CACNA1C: variants seen among roughly 807,000 people sequenced by gnomAD.
CACNA1C encodes the protein calcium voltage-gated channel subunit alpha1 C, also known as voltage-dependent L-type calcium channel subunit alpha-1C.
Under a neutral mutation model 229.0 loss-of-function variants are expected in CACNA1C, and 30 were observed. The ratio of observed to expected loss-of-function variants is 0.13; its 90% confidence interval spans 0.10 to 0.18. The LOEUF (loss-of-function observed/expected upper bound fraction) is 0.18, where lower values mean the gene tolerates loss of function less well. Ranked by LOEUF, CACNA1C falls within the 10% of genes least tolerant of loss-of-function variation. CACNA1C has a pLI of 1.00. For synonymous variants in CACNA1C, 1,114 were observed against 1,132.5 expected, an observed-to-expected ratio of 0.98 and a Z score of 0.33; for missense variants, 1,658 against 2,845.0, an observed-to-expected ratio of 0.58 and a Z score of 9.49.
chr12:1,973,160 A>C (rs2033079269), intron 1 of CACNA1C, among the ~76,000 whole-genome samples: 1 of 152,238 alleles, frequency 6.6e-6, no homozygotes, highest in Non-Finnish European at 1.5e-5. Context: ...TTCACTGGCC[A>C]CTGAGAGTCT....
In CACNA1C at chr12:2,181,179, A is replaced by C. The variant is rs760814831; in HGVS notation, c.477+60749A>C. ...GAGCCCAGTCCGTGACGGCGGTAAC[A>C]ATGATCATTACTACCTCTGTTATTT... is the stretch of plus-strand genomic sequence containing the variant. On this transcript the variant is annotated intron_variant, in intron 3 of 46. Transcript: ENST00000399655. This position sits in a 1 kb window ranked among gnomAD's most constrained non-coding sequence, Gnocchi z 4.0. 6.6e-6 allele frequency among the ~76,000 whole-genome samples: 1 copy of C among 152,178 alleles called. No individual in the cohort carries two copies.
chr12:2,453,303 C>T (rs1215099868), intron 4 of CACNA1C, among the ~76,000 whole-genome samples: 1 of 152,152 alleles, frequency 6.6e-6, no homozygotes, highest in Non-Finnish European at 1.5e-5. Context: ...TGCAGCTTCC[C>T]ATTTCTAGAT....
At chr12:2,446,530 G>A (rs1308909895) in intron 3 of CACNA1C, among the ~76,000 whole-genome samples, 1 of 150,120 alleles carries the variant, frequency 6.7e-6, no homozygotes, top group South Asian at 2.1e-4. Flanking sequence ...ACAGGTAGGT[G>A]AATGGGTAGA....
intron 1 of CACNA1C, among the ~76,000 whole-genome samples, chr12:2,039,235 C>T (rs534378520): frequency 2.6e-5 from 4 of 152,224 alleles, no homozygotes; most frequent in African/African-American, 9.6e-5. Context: ...TAACAACCTC[C>T]CTTTAAACTA....
At chr12:2,127,745 A>T (rs577638472) in intron 3 of CACNA1C, among the ~76,000 whole-genome samples, 6 of 152,284 alleles carry the variant, frequency 3.9e-5, no homozygotes, top group African/African-American at 1.4e-4. Flanking sequence ...GGTGTGTCTT[A>T]AAAGCTATAC....
At chr12:2,231,016 G>T (rs2064953229) in intron 3 of CACNA1C, among the ~76,000 whole-genome samples, 1 of 152,198 alleles carries the variant, frequency 6.6e-6, no homozygotes, top group Non-Finnish European at 1.5e-5. Context: ...TTGGGAGGGA[G>T]TTTTTGGAAA....
intron 1 of CACNA1C, among the ~76,000 whole-genome samples, chr12:2,041,684 T>G (rs2050141148): frequency 6.6e-6 from 1 of 152,194 alleles, no homozygotes; most frequent in South Asian, 2.1e-4. Context: ...GGAGGCATCT[T>G]GTTCAAGATC....
At chr12:2,396,766 G>A (rs1019950898) in intron 3 of CACNA1C, among the ~76,000 whole-genome samples, 2 of 152,244 alleles carry the variant, frequency 1.3e-5, no homozygotes, top group South Asian at 2.1e-4. Context: ...TTTCATTAGC[G>A]GTTTTCTAAA....
intron 1 of CACNA1C, among the ~76,000 whole-genome samples, chr12:1,974,480 G>A (rs537499720): frequency 3.3e-4 from 50 of 152,238 alleles, no homozygotes; most frequent in African/African-American, 1.1e-3. Context: ...TAATGTACTC[G>A]TTTAATGTGT....
At position 2,101,287 on chromosome 12, in the gene CACNA1C, A is replaced by T. The variant is rs138344780; in HGVS notation, c.50-13937A>T. ...CAGAGCTTTGCCAGACTCTTGGATT[A>T]GTTCTCTCAGGGTAGCTCCTGAGAA... On this transcript the variant is annotated intron_variant, in intron 1 of 46. Transcript: ENST00000399655. Among the ~76,000 whole-genome samples, 38 of 152,240 alleles carry T rather than the reference A, an allele frequency of 2.5e-4. No homozygotes were observed. In the East Asian group the frequency reaches 6.8e-3, roughly 27 times the overall value.
At chr12:2,313,713 C>T (rs563111545) in intron 3 of CACNA1C, among the ~76,000 whole-genome samples, 43 of 152,140 alleles carry the variant, frequency 2.8e-4, no homozygotes, top group African/African-American at 1.0e-3. Context: ...GGGAAGGAGT[C>T]GGTCAGGTTG....
rs189807536 is a variant in CACNA1C, at chr12:2,075,722, A to G, written c.49+22111A>G. 2.6e-3 allele frequency among the ~76,000 whole-genome samples: 401 copies of G among 152,282 alleles called. 1 individual carries two copies. The highest frequency in any genetic ancestry group is 7.9e-3 in the African/African-American group (329 of 41,556). ...CACAGAAGTGGCGTCAGTACCATGG[A>G]CTTGTCCTTGTCCCAACCTCAGATG... On this transcript the variant is annotated intron_variant, in intron 1 of 46. Coordinates refer to ENST00000399655, the MANE Select transcript of CACNA1C (RefSeq NM_000719.7).
intron 3 of CACNA1C, among the ~76,000 whole-genome samples, chr12:2,224,627 T>A (rs2062421217): frequency 6.6e-6 from 1 of 152,166 alleles, no homozygotes; most frequent in Non-Finnish European, 1.5e-5. Flanking sequence ...CAGGCTGTTG[T>A]TTTGGCTCAC....
intron 5 of CACNA1C, among the ~76,000 whole-genome samples, chr12:2,484,971 T>C (rs1410250918): frequency 1.3e-5 from 2 of 151,246 alleles, no homozygotes; most frequent in Non-Finnish European, 2.9e-5. Context: ...CTAATCAGCC[T>C]TGCGAGAATC....
rs75505822 is a variant in CACNA1C at position 2,251,575 on chromosome 12, T to A, written c.477+131145T>A. Among the ~76,000 whole-genome samples the A allele has an allele frequency of 7.9e-5, 12 of 152,322 alleles. No homozygotes were observed. In the East Asian group the frequency reaches 2.1e-3, roughly 27 times the overall value. On this transcript the variant is annotated intron_variant, in intron 3 of 46. Coordinates refer to ENST00000399655, the MANE Select transcript of CACNA1C (RefSeq NM_000719.7). Reference sequence around the variant, plus strand: ...CCTCCTGGATTCAGTGGAGTCCTGCTAGACGTTGTCATTGCAGGGCAACCA... The same window carrying A: ...CCTCCTGGATTCAGTGGAGTCCTGCAAGACGTTGTCATTGCAGGGCAACCA...
At chr12:2,309,737 G>T (rs2095316946) in intron 3 of CACNA1C, among the ~76,000 whole-genome samples, 1 of 152,184 alleles carries the variant, frequency 6.6e-6, no homozygotes, top group South Asian at 2.1e-4. Context: ...CTTGCAGGGG[G>T]CATTGTGAGT....
chr12:2,562,081 C>A (rs1219166549), intron 11 of CACNA1C, among the ~76,000 whole-genome samples: 1 of 151,574 alleles, frequency 6.6e-6, no homozygotes, highest in African/African-American at 2.4e-5. Context: ...CACCCCCACC[C>A]CAGCCCAAAT....
intron 3 of CACNA1C, among the ~76,000 whole-genome samples, chr12:2,206,223 C>T (rs528962994): frequency 1.3e-5 from 2 of 152,100 alleles, no homozygotes; most frequent in Non-Finnish European, 2.9e-5. Context: ...TACAACCCAG[C>T]CCTTGGAAGG....
chr12:2,115,649 C>T, intron 2 of CACNA1C, 104 bp downstream of exon 2: 1 of 1,111,614 alleles, frequency 9.0e-7, no homozygotes, highest in Non-Finnish European at 1.3e-6. Flanking sequence ...TGCTGGGCTA[C>T]AAACGGGGCC....
Sources: allele counts gnomAD v4.1 joint callset (sites outside exome capture counted in the v4.1 genomes callset), GRCh38; gene constraint gnomAD v4.1.1; non-coding constraint Gnocchi (gnomAD v3.1); transcripts MANE v1.5; gene names NCBI Gene and HGNC (gene_info 2026-07-23, HGNC 2026-07-21).